SLC26A7: variants seen among roughly 807,000 people sequenced by gnomAD.
The protein encoded by SLC26A7 is solute carrier family 26 member 7.
SLC26A7 carries 59 observed loss-of-function variants against 82.5 expected under a neutral mutation model. The observed-to-expected ratio is 0.72, with a 90% CI of 0.58 to 0.89. SLC26A7 has a LOEUF of 0.89. Among genes scored for constraint, SLC26A7 ranks in the 40% least tolerant of loss-of-function variants. SLC26A7 has a pLI of 0.00. For missense variants in SLC26A7, 820 were observed against 793.0 expected (o/e 1.03, Z -0.41); for synonymous variants, 271 against 274.3 (o/e 0.99, Z 0.12).
intron 2 of SLC26A7, among the ~76,000 whole-genome samples, chr8:91,284,411 A>G (rs10096507): frequency 0.58 from 88,088 of 152,064 alleles, 27,462 homozygotes; most frequent in Non-Finnish European, 0.7. Flanking sequence ...TGCACCAGAG[A>G]TTGGAGAGAC....
chr8:91,232,215 A>G (rs1161609683), intron 2 of SLC26A7, among the ~76,000 whole-genome samples: 3 of 152,228 alleles, frequency 2.0e-5, no homozygotes, highest in African/African-American at 7.2e-5. Context: ...AAGCATTTTC[A>G]GATTTATTTC....
chr8:91,389,850 G>A (rs1814906249), intron 16 of SLC26A7, among the ~76,000 whole-genome samples: 2 of 152,158 alleles, frequency 1.3e-5, no homozygotes, highest in Admixed American at 6.5e-5. Context: ...GTACAGTTTG[G>A]CCTAATATCA....
chr8:91,363,107 C>G (rs923023567), intron 12 of SLC26A7, among the ~76,000 whole-genome samples: 2 of 151,946 alleles, frequency 1.3e-5, no homozygotes, highest in Admixed American at 1.3e-4. Flanking sequence ...TTTATATATT[C>G]AGATTCAATA....
At chr8:91,283,277 A>G (rs986382720) in intron 2 of SLC26A7, among the ~76,000 whole-genome samples, 1 of 152,134 alleles carries the variant, frequency 6.6e-6, no homozygotes, top group Non-Finnish European at 1.5e-5. Flanking sequence ...GAGGGGAGAG[A>G]GGGAGGAAGT....
intron 2 of SLC26A7, among the ~76,000 whole-genome samples, chr8:91,250,692 C>A (rs1810635194): frequency 6.6e-6 from 1 of 152,222 alleles, no homozygotes; most frequent in Non-Finnish European, 1.5e-5. Context: ...TATTTCCTTG[C>A]AGTTTCACTA....
chr8:91,332,527 C>CAG (rs1813121648), intron 5 of SLC26A7, among the ~76,000 whole-genome samples: 2 of 146,318 alleles, frequency 1.4e-5, no homozygotes, highest in African/African-American at 5.2e-5. Flanking sequence ...CACACACACA[C>CAG]ACACACATAT....
chr8:91,297,884 AT>A (rs1223845371), intron 4 of SLC26A7, among the ~76,000 whole-genome samples: 1 of 151,894 alleles, frequency 6.6e-6, no homozygotes, highest in Non-Finnish European at 1.5e-5. Context: ...TTTCAGGTTG[AT>A]TTTTTTCTCT....
intron 5 of SLC26A7, among the ~76,000 whole-genome samples, chr8:91,323,962 G>C (rs768339321): frequency 6.6e-6 from 1 of 151,852 alleles, no homozygotes; most frequent in Non-Finnish European, 1.5e-5. Context: ...GAGTAGTTTG[G>C]ATTGCAGATG....
intron 4 of SLC26A7, among the ~76,000 whole-genome samples, chr8:91,310,358 G>A (rs1297448518): frequency 1.3e-5 from 2 of 152,202 alleles, no homozygotes; most frequent in South Asian, 2.1e-4. Context: ...GGTAAAAGTG[G>A]TATCCTGCCA....
chr8:91,371,139 A>T (rs1479680482), intron 15 of SLC26A7, among the ~76,000 whole-genome samples: 2 of 151,928 alleles, frequency 1.3e-5, no homozygotes, highest in African/African-American at 4.8e-5. Flanking sequence ...ATGAAATAGC[A>T]TTATACATTT....
chr8:91,306,183 G>GCTTTCTAATGGTTTTC (rs1158144873), intron 4 of SLC26A7, among the ~76,000 whole-genome samples: 2 of 152,082 alleles, frequency 1.3e-5, no homozygotes, highest in Non-Finnish European at 2.9e-5. Context: ...CTTTTTGAAT[G>GCTTTCTAATGGTTTTC]CTTTCTAATG....
chr8:91,343,450 C>T lies in SLC26A7; in HGVS notation c.1124C>T (p.Thr375Ile). 1 of 1,611,692 alleles carries T rather than the reference C, an allele frequency of 6.2e-7. No homozygotes were observed. Among genetic ancestry groups the T allele is most frequent in the Non-Finnish European group, 8.5e-7 (1 of 1,179,656 alleles). ...GGAAGGACGGCTGGCCTGTACAGCA[C>T]AGGAGCGAAGACACAGGTAACTGAA... ...AMGRTAGLYS[T>I]GAKTQVACLI... Residue 375 changes from threonine to isoleucine, a missense_variant, in exon 9 of 19, where the codon ACA becomes ATA. Physicochemically the swap from Thr to Ile is moderately conservative, Grantham distance 89. Transcript: ENST00000276609.
rs556369888 is a variant in SLC26A7, at chr8:91,266,778, T to C, written c.193+16934T>C. On this transcript the variant is annotated intron_variant, in intron 2 of 18. Coordinates refer to ENST00000276609, the MANE Select transcript of SLC26A7 (RefSeq NM_052832.4). ...TCTAGCTAGGGCTATCAGTACTGTG[T>C]TGAATAAAAGTGAAAATGGACATCC... Among the ~76,000 whole-genome samples the C allele has an allele frequency of 2.6e-5, 4 of 152,074 alleles. No individual in the cohort carries two copies. In the East Asian group the frequency reaches 5.8e-4, roughly 22 times the overall value.
At chr8:91,297,115 C>G (rs752372813) in intron 4 of SLC26A7, among the ~76,000 whole-genome samples, 62 of 151,950 alleles carry the variant, frequency 4.1e-4, no homozygotes, top group Non-Finnish European at 7.8e-4. Flanking sequence ...ATTCATATTT[C>G]TTTTTGAATT....
chr8:91,267,497 T>C (rs1035808997), intron 2 of SLC26A7, among the ~76,000 whole-genome samples: 16 of 151,978 alleles, frequency 1.1e-4, no homozygotes, highest in Admixed American at 2.6e-4. Context: ...GTAGGTCCTA[T>C]GTGTTCAGAC....
chr8:91,296,647 A>G (rs1812025011), intron 4 of SLC26A7, among the ~76,000 whole-genome samples: 1 of 152,220 alleles, frequency 6.6e-6, no homozygotes, highest in Non-Finnish European at 1.5e-5. Context: ...TAAGGATGTA[A>G]AATGAAATGA....
chr8:91,294,308 G>A (rs1305006111), intron 3 of SLC26A7, among the ~76,000 whole-genome samples: 1 of 152,138 alleles, frequency 6.6e-6, no homozygotes, highest in Non-Finnish European at 1.5e-5. Flanking sequence ...GAGGAATGCT[G>A]TTTATAGACA....
intron 5 of SLC26A7, among the ~76,000 whole-genome samples, chr8:91,332,299 T>C (rs1032085905): frequency 7.0e-5 from 10 of 143,282 alleles, no homozygotes; most frequent in Non-Finnish European, 1.2e-4. Flanking sequence ...TGTATAATTA[T>C]ATAGATAAAT....
intron 9 of SLC26A7, among the ~76,000 whole-genome samples, chr8:91,343,679 A>C (rs1478096428): frequency 1.3e-5 from 2 of 152,242 alleles, no homozygotes; most frequent in Non-Finnish European, 2.9e-5. Context: ...AAACTAAAAA[A>C]TTCTGTACAA....
Sources: allele counts gnomAD v4.1 joint callset (sites outside exome capture counted in the v4.1 genomes callset), GRCh38; gene constraint gnomAD v4.1.1; transcripts MANE v1.5; gene names NCBI Gene and HGNC (gene_info 2026-07-23, HGNC 2026-07-21).